Variants in SPRYD4 observed in about 807,000 individuals in gnomAD.
SPRYD4 encodes SPRY domain containing 4.
A neutral mutation model predicts 16.6 loss-of-function variants in SPRYD4; 12 were observed. That is an observed-to-expected ratio of 0.72 (90% CI 0.46 to 1.17). The LOEUF is 1.17. Ranked by LOEUF, SPRYD4 falls within the 50% of genes most tolerant of loss-of-function variation. SPRYD4 has a pLI of 0.00. For synonymous variants in SPRYD4, 98 were observed against 105.4 expected, an observed-to-expected ratio of 0.93 and a Z score of 0.43; for missense variants, 260 against 260.2, an observed-to-expected ratio of 1.00 and a Z score of 0.00.
Position 56,476,311 on chromosome 12 carries a change from G to C in SPRYD4, c.*6734G>C, listed in dbSNP as rs935387193. The C allele has an allele frequency of 6.6e-6, 2 of 301,856 alleles. No individual in the cohort carries two copies. Among genetic ancestry groups the C allele is most frequent in the Non-Finnish European group, 1.3e-5 (2 of 158,232 alleles). The allele number at this position is 301,856 out of a possible 1,614,324, so 18.7% of individuals were successfully genotyped here. A position where few individuals can be genotyped will look rare whatever the true frequency, so the allele number is the denominator to read the frequency against. On this transcript the variant is annotated 3_prime_UTR_variant, in exon 2 of 2. Coordinates refer to ENST00000338146, the MANE Select transcript of SPRYD4 (RefSeq NM_207344.4). ...CAAGTAGCTCGGATTACAGGCATGA[G>C]CCAGCTTGCTGGGCCATCCCACTTC... is the stretch of plus-strand genomic sequence containing the variant.
rs533019317 is a variant in SPRYD4 at position 56,471,626 on chromosome 12, A to G, written c.*2049A>G. On this transcript the variant is annotated 3_prime_UTR_variant, in exon 2 of 2. Transcript: ENST00000338146. ...ATGGTTGAACTGCACAGCATCATCCAGGGGAATGTTGCCCCACCTGAGAGG... is the reference window on the plus strand; with the variant it reads ...ATGGTTGAACTGCACAGCATCATCCGGGGGAATGTTGCCCCACCTGAGAGG... 2 of 1,614,122 alleles carry G rather than the reference A, an allele frequency of 1.2e-6. No individual in the cohort carries two copies. The highest frequency in any genetic ancestry group is 4.5e-5 in the East Asian group (2 of 44,886).
Position 56,475,923 on chromosome 12 carries a change from G to T in SPRYD4, c.*6346G>T. On this transcript the variant is annotated 3_prime_UTR_variant, in exon 2 of 2. Transcript: ENST00000338146. ...ATGCCATGGCGAAATGCAGCCAGGG[G>T]CTAAGTAGCAAGGGAACTTACAAAA... is the stretch of plus-strand genomic sequence containing the variant. 6.2e-7 allele frequency: 1 copy of T among 1,613,574 alleles called. No individual in the cohort carries two copies. The highest frequency in any genetic ancestry group is 8.5e-7 in the Non-Finnish European group (1 of 1,179,682).
At position 56,478,435 on chromosome 12, in the gene SPRYD4, G is replaced by A; in HGVS notation, c.*8858G>A. ...AATGCCCGAGCCTTAAGTCCTAGAA[G>A]GCCATATCTTTGTGTATCCGCAATC... On this transcript the variant is annotated 3_prime_UTR_variant, in exon 2 of 2. Transcript: ENST00000338146. 1.6e-6 allele frequency: 1 copy of A among 633,644 alleles called. No individual in the cohort carries two copies. The highest frequency in any genetic ancestry group is 2.8e-6 in the Non-Finnish European group (1 of 361,238). The allele number at this position is 633,644 out of a possible 1,614,324, so 39.3% of individuals were successfully genotyped here. A position where few individuals can be genotyped will look rare whatever the true frequency, so the allele number is the denominator to read the frequency against.
chr12:56,473,493 C>A lies in SPRYD4; in HGVS notation c.*3916C>A, dbSNP rs775423724. 10 of 1,613,832 alleles carry A rather than the reference C, an allele frequency of 6.2e-6. No individual in the cohort carries two copies. In the South Asian group the frequency reaches 1.1e-4, roughly 18 times the overall value. ...AGAAGCTGGTCCCCCTATGGCTGTT[C>A]CCCAGCTTGTCCAATGGGGGTGACA... On this transcript the variant is annotated 3_prime_UTR_variant, in exon 2 of 2. Coordinates refer to ENST00000338146, the MANE Select transcript of SPRYD4 (RefSeq NM_207344.4).
rs191543107 is a variant in SPRYD4, at chr12:56,473,442, A to G, written c.*3865A>G. The G allele has an allele frequency of 6.2e-7, 1 of 1,609,014 alleles. No individual in the cohort carries two copies. The highest frequency in any genetic ancestry group is 2.2e-5 in the East Asian group (1 of 44,810). The stretch of plus-strand genomic sequence containing the variant: ...ATTTATTGCTTCAAAAATAGTAAGT[A>G]CTATATGCAAAGCATCTCACCTGGC... On this transcript the variant is annotated 3_prime_UTR_variant, in exon 2 of 2. Transcript: ENST00000338146.
At position 56,475,241 on chromosome 12, in the gene SPRYD4, A is replaced by G. The variant is rs1592275292; in HGVS notation, c.*5664A>G. ...TAAATGAACCCCTTTATAACTTCTC[A>G]CAGTAATATTAGAGGAAATTTCTGA... On this transcript the variant is annotated 3_prime_UTR_variant, in exon 2 of 2. Coordinates refer to ENST00000338146, the MANE Select transcript of SPRYD4 (RefSeq NM_207344.4). The G allele has an allele frequency of 5.1e-6, 8 of 1,583,940 alleles. No homozygotes were observed. The East Asian group carries it at 1.8e-4, about 35-fold the overall frequency.
Position 56,478,241 on chromosome 12 carries a change from G to T in SPRYD4, c.*8664G>T. 1 of 1,614,256 alleles carries T rather than the reference G, an allele frequency of 6.2e-7. No individual in the cohort carries two copies. The highest frequency in any genetic ancestry group is 8.5e-7 in the Non-Finnish European group (1 of 1,180,052). On this transcript the variant is annotated 3_prime_UTR_variant, in exon 2 of 2. Coordinates refer to ENST00000338146, the MANE Select transcript of SPRYD4 (RefSeq NM_207344.4). ...CACAGGTCTGGGTTTGACTTGGCCA[G>T]CTGAGGGATGTAGGCTGCCACCTGG...
At position 56,473,543 on chromosome 12, in the gene SPRYD4, G is replaced by A; in HGVS notation, c.*3966G>A. The A allele has an allele frequency of 6.2e-7, 1 of 1,613,466 alleles. No individual in the cohort carries two copies. ...AGGCACATCATTCCCATGACATTGG[G>A]TACCACCAGGAGGATGGCTCCTGAT... On this transcript the variant is annotated 3_prime_UTR_variant, in exon 2 of 2. Transcript: ENST00000338146.
chr12:56,479,419 AC>A lies in SPRYD4; in HGVS notation c.*9844del. On this transcript the variant is annotated 3_prime_UTR_variant, in exon 2 of 2. Transcript: ENST00000338146. ...TTGGGATATGAGAAAAAAAATAAAT[AC>A]CAGAATAATATGTATGTATGTTACC... 1 of 474,920 alleles carries A rather than the reference AC, an allele frequency of 2.1e-6. No individual in the cohort carries two copies. The highest frequency in any genetic ancestry group is 3.6e-6 in the Non-Finnish European group (1 of 274,446). The allele number at this position is 474,920 out of a possible 1,614,324, so 29.4% of individuals were successfully genotyped here. A position where few individuals can be genotyped will look rare whatever the true frequency, so the allele number is the denominator to read the frequency against.
chr12:56,469,217 C>A lies in SPRYD4; in HGVS notation c.264C>A (p.His88Gln), dbSNP rs1592269574. Residue 88 changes from histidine (H) to glutamine (Q), a missense_variant, in exon 2 of 2, where the codon CAC (histidine) becomes CAA (glutamine). By Grantham distance (24) the His-to-Gln change is conservative. Transcript: ENST00000338146. ...LADTAVTSGR[H>Q]YWEVTVKRSQ... ...ACACAGCGGTCACCAGTGGCAGACA[C>A]TACTGGGAAGTGACAGTGAAGCGCT... 1.9e-6 allele frequency: 3 copies of A among 1,614,106 alleles called. No individual in the cohort carries two copies. The highest frequency in any genetic ancestry group is 2.2e-5 in the East Asian group (1 of 44,884).
In SPRYD4 at chr12:56,474,497, C is replaced by T; in HGVS notation, c.*4920C>T. On this transcript the variant is annotated 3_prime_UTR_variant, in exon 2 of 2. Transcript: ENST00000338146. ...CTTGAGAGAGTCAGTGTTCTCTCTTCTTAGCACTGGGCTCATGACAGATGG... is the reference window on the plus strand; with the variant it reads ...CTTGAGAGAGTCAGTGTTCTCTCTTTTTAGCACTGGGCTCATGACAGATGG... 1 of 1,608,704 alleles carries T rather than the reference C, an allele frequency of 6.2e-7. No individual in the cohort carries two copies. Among genetic ancestry groups the T allele is most frequent in the Non-Finnish European group, 8.5e-7 (1 of 1,178,394 alleles).
chr12:56,479,493 C>CATGT lies in SPRYD4; in HGVS notation c.*9925_*9928dup. ...TCATAAAAGTATATTTATATATATT[C>CATGT]ATGTATGTATGTCAGTACATAGGAC... On this transcript the variant is annotated 3_prime_UTR_variant, in exon 2 of 2. Transcript: ENST00000338146. The CATGT allele has an allele frequency of 2.6e-6, 1 of 388,424 alleles. No homozygotes were observed. The highest frequency in any genetic ancestry group is 5.9e-5 in the South Asian group (1 of 16,866). 24.1% of individuals were successfully genotyped at this position (388,424 alleles called of 1,614,324 possible). A position where few individuals can be genotyped will look rare whatever the true frequency, so the allele number is the denominator to read the frequency against.
rs562471658 is a variant in SPRYD4 at position 56,471,556 on chromosome 12, T to C, written c.*1979T>C. 1.2e-6 allele frequency: 2 copies of C among 1,613,876 alleles called. No individual in the cohort carries two copies. Among genetic ancestry groups the C allele is most frequent in the African/African-American group, 1.3e-5 (1 of 74,896 alleles). Reference sequence around the variant, plus strand: ...CTGCCTCAGCCTGAGTTTCAGAGAGTGTGTAGGAGTCCTGGTAATCTTGAA... The same window carrying C: ...CTGCCTCAGCCTGAGTTTCAGAGAGCGTGTAGGAGTCCTGGTAATCTTGAA... On this transcript the variant is annotated 3_prime_UTR_variant, in exon 2 of 2. Transcript: ENST00000338146.
chr12:56,469,546 A>T lies in SPRYD4; in HGVS notation c.593A>T (p.His198Leu). 4 of 1,613,982 alleles carry T rather than the reference A, an allele frequency of 2.5e-6. No individual in the cohort carries two copies. Among genetic ancestry groups the T allele is most frequent in the Non-Finnish European group, 3.4e-6 (4 of 1,179,950 alleles). Residue 198 changes from histidine (H) to leucine (L), a missense_variant, in exon 2 of 2, where the codon CAT becomes CTT. Physicochemically the swap from His to Leu is moderately conservative, Grantham distance 99. Coordinates refer to ENST00000338146, the MANE Select transcript of SPRYD4 (RefSeq NM_207344.4). Reference protein sequence around the residue: ...FALWDGELLTHSGLEVPEGL With the variant: ...FALWDGELLTLSGLEVPEGL The stretch of plus-strand genomic sequence containing the variant: ...CTCTGGGATGGGGAGCTGCTGACCC[A>T]TTCAGGGCTTGAGGTGCCCGAGGGC...
In SPRYD4 at chr12:56,476,031, G is replaced by C. The variant is rs1592276043; in HGVS notation, c.*6454G>C. 2.6e-6 allele frequency: 4 copies of C among 1,549,212 alleles called. No homozygotes were observed. The East Asian group carries it at 9.0e-5, about 35-fold the overall frequency. Reference sequence around the variant, plus strand: ...TCTAAGTGTAGGAGGATGACAGAGGGAAGGGTCAGAAGGATCTAGTGGAGT... The same window carrying C: ...TCTAAGTGTAGGAGGATGACAGAGGCAAGGGTCAGAAGGATCTAGTGGAGT... On this transcript the variant is annotated 3_prime_UTR_variant, in exon 2 of 2. Coordinates refer to ENST00000338146, the MANE Select transcript of SPRYD4 (RefSeq NM_207344.4).
chr12:56,472,053 T>G lies in SPRYD4; in HGVS notation c.*2476T>G, dbSNP rs1398035330. On this transcript the variant is annotated 3_prime_UTR_variant, in exon 2 of 2. Coordinates refer to ENST00000338146, the MANE Select transcript of SPRYD4 (RefSeq NM_207344.4). ...ACCTTGAGGGCACATATAATGAAGG[T>G]ACTTTTGGTGAAAAAGAAAGGGTCT... 14 of 1,541,694 alleles carry G rather than the reference T, an allele frequency of 9.1e-6. No individual in the cohort carries two copies. Among genetic ancestry groups the G allele is most frequent in the Middle Eastern group, 3.5e-4 (2 of 5,748 alleles).
chr12:56,473,720 G>T lies in SPRYD4; in HGVS notation c.*4143G>T, dbSNP rs964634913. ...GACCACAATCCACCTCAACCTTTTG[G>T]CTTGTTAATTAGCTTCTTTTATTAC... On this transcript the variant is annotated 3_prime_UTR_variant, in exon 2 of 2. Coordinates refer to ENST00000338146, the MANE Select transcript of SPRYD4 (RefSeq NM_207344.4). 1.7e-6 allele frequency: 2 copies of T among 1,191,350 alleles called. No individual in the cohort carries two copies. The highest frequency in any genetic ancestry group is 2.3e-6 in the Non-Finnish European group (2 of 882,546). 73.8% of individuals were successfully genotyped at this position (1,191,350 alleles called of 1,614,324 possible). A position where few individuals can be genotyped will look rare whatever the true frequency, so the allele number is the denominator to read the frequency against.
In SPRYD4 at chr12:56,474,786, AAAGGGC is replaced by A; in HGVS notation, c.*5220_*5225del. The A allele has an allele frequency of 1.2e-6, 2 of 1,613,268 alleles. No homozygotes were observed. The highest frequency in any genetic ancestry group is 2.2e-5 in the South Asian group (2 of 91,022). ...GCACATGGGACCCTCGGGTGTAGGG[AAAGGGC>A]AAGGGCAAGGACAGTCTGTCCTGTT... On this transcript the variant is annotated 3_prime_UTR_variant, in exon 2 of 2. Coordinates refer to ENST00000338146, the MANE Select transcript of SPRYD4 (RefSeq NM_207344.4).
chr12:56,479,258 A>G lies in SPRYD4; in HGVS notation c.*9681A>G. The stretch of plus-strand genomic sequence containing the variant: ...TCACTCTGGAGCCACGGAAATTGGG[A>G]ATAAAGAAGGTTGAGTGGTCTTCAG... On this transcript the variant is annotated 3_prime_UTR_variant, in exon 2 of 2. Transcript: ENST00000338146. 6.4e-7 allele frequency: 1 copy of G among 1,561,358 alleles called. No individual in the cohort carries two copies. Among genetic ancestry groups the G allele is most frequent in the East Asian group, 2.3e-5 (1 of 43,958 alleles).
Sources: allele counts gnomAD v4.1 joint callset, GRCh38; gene constraint gnomAD v4.1.1; transcripts MANE v1.5; gene names NCBI Gene and HGNC (gene_info 2026-07-23, HGNC 2026-07-21).